The following RIT2 variants were observed in gnomAD, a reference collection of about 807,000 sequenced individuals.
RIT2 encodes the protein GTP-binding protein Rit2.
Under a neutral mutation model 23.7 loss-of-function variants are expected in RIT2, and 24 were observed. That is an observed-to-expected ratio of 1.01 (90% CI 0.73 to 1.43). RIT2 has a LOEUF of 1.43. Among genes scored for constraint, RIT2 ranks in the 40% most tolerant of loss-of-function variants. The probability of loss-of-function intolerance (pLI) is 0.00; values close to 1 mark genes in which losing one functional copy is unlikely to be tolerated. For missense variants in RIT2, 236 were observed against 266.9 expected (o/e 0.88, Z 0.81); for synonymous variants, 107 against 91.1 (o/e 1.17, Z -0.99).
intron 4 of RIT2, among the ~76,000 whole-genome samples, chr18:42,869,115 TC>T (rs1369385222): frequency 3.3e-5 from 5 of 152,236 alleles, no homozygotes; most frequent in Non-Finnish European, 5.9e-5. Context: ...AAATCAGCAG[TC>T]CCCAAACTTA....
chr18:42,821,523 A>G (rs1906148105), intron 4 of RIT2, among the ~76,000 whole-genome samples: 1 of 152,214 alleles, frequency 6.6e-6, no homozygotes, highest in Non-Finnish European at 1.5e-5. Context: ...GGAGACATCT[A>G]TGGTTGTCAA....
intron 2 of RIT2, among the ~76,000 whole-genome samples, chr18:43,017,869 G>C (rs1481041253): frequency 1.3e-5 from 2 of 152,034 alleles, no homozygotes; most frequent in Admixed American, 1.3e-4. Flanking sequence ...AGCTGGTAGG[G>C]CTGGCCATTA....
chr18:42,891,783 G>A (rs1042204019), intron 4 of RIT2, among the ~76,000 whole-genome samples: 2 of 152,200 alleles, frequency 1.3e-5, no homozygotes, highest in African/African-American at 4.8e-5. Context: ...AATTTAAGCA[G>A]TGAAACTATT....
chr18:42,959,297 A>T (rs1398365249), intron 3 of RIT2, among the ~76,000 whole-genome samples: 1 of 152,228 alleles, frequency 6.6e-6, no homozygotes, highest in East Asian at 1.9e-4. Context: ...TGCCAATATT[A>T]AAACAGTCAT....
chr18:42,872,833 C>G (rs1598693325), intron 4 of RIT2, among the ~76,000 whole-genome samples: 1 of 152,118 alleles, frequency 6.6e-6, no homozygotes, highest in African/African-American at 2.4e-5. Context: ...TTTTTTCATG[C>G]AGCACTTGTT....
At chr18:42,867,332 T>A (rs1907498682) in intron 4 of RIT2, among the ~76,000 whole-genome samples, 1 of 152,092 alleles carries the variant, frequency 6.6e-6, no homozygotes, top group South Asian at 2.1e-4. Flanking sequence ...TAAGCCTGGA[T>A]TTGCTCTAAA....
intron 2 of RIT2, among the ~76,000 whole-genome samples, chr18:42,980,741 C>A (rs1182693354): frequency 1.8e-4 from 28 of 152,040 alleles, no homozygotes; most frequent in Admixed American, 1.8e-3. Flanking sequence ...AGACACAGAA[C>A]CCTACCTGGA....
At chr18:42,937,795 C>G (rs1475067035) in intron 3 of RIT2, among the ~76,000 whole-genome samples, 1 of 152,144 alleles carries the variant, frequency 6.6e-6, no homozygotes, top group Non-Finnish European at 1.5e-5. Context: ...AACATAAAAA[C>G]TAACCCAATC....
intron 2 of RIT2, among the ~76,000 whole-genome samples, chr18:42,976,120 C>T (rs1910472787): frequency 6.6e-6 from 1 of 151,812 alleles, no homozygotes; most frequent in Non-Finnish European, 1.5e-5. Flanking sequence ...AGTTTTATTC[C>T]ATTGTGATTG....
Position 42,768,917 on chromosome 18 carries a change from T to C in RIT2, c.427-25197A>G, listed in dbSNP as rs185767931. The stretch of plus-strand genomic sequence containing the variant: ...AATACCCTTCTATTTCTCAACTCAA[T>C]AGTTTTTATGGAGTTGACCCTATTT... On this transcript the variant is annotated intron_variant, in intron 4 of 4. Transcript: ENST00000326695. Among the ~76,000 whole-genome samples the C allele has an allele frequency of 3.8e-4, 58 of 152,028 alleles. No homozygotes were observed. In the Middle Eastern group the frequency reaches 0.01, roughly 27 times the overall value.
chr18:43,049,972 C>CTTTTTTTTTT (rs755291383), intron 1 of RIT2, among the ~76,000 whole-genome samples: 1,218 of 65,930 alleles, frequency 0.018, 60 homozygotes, highest in East Asian at 0.054. Flanking sequence ...AAGGGATTTC[C>CTTTTTTTTTT]TTTTTTTTTT....
chr18:42,795,264 G>T lies in RIT2; in HGVS notation c.427-51544C>A, dbSNP rs566058366. On this transcript the variant is annotated intron_variant, in intron 4 of 4. Coordinates refer to ENST00000326695, the MANE Select transcript of RIT2 (RefSeq NM_002930.4). ...GGTGTGGAGGGAGAGGCGCGAGCAGGAACCGGGGCTGCGTGCAGTGCTTGC... is the reference window on the plus strand; with the variant it reads ...GGTGTGGAGGGAGAGGCGCGAGCAGTAACCGGGGCTGCGTGCAGTGCTTGC... Among the ~76,000 whole-genome samples the T allele has an allele frequency of 5.9e-5, 9 of 152,352 alleles. No homozygotes were observed. The South Asian group carries it at 1.7e-3, about 28-fold the overall frequency.
At chr18:42,905,796 G>C (rs565116504) in intron 4 of RIT2, among the ~76,000 whole-genome samples, 2 of 151,012 alleles carry the variant, frequency 1.3e-5, no homozygotes, top group African/African-American at 4.9e-5. Context: ...TTTGATATTG[G>C]CTATATCTGC....
At chr18:42,920,611 C>T in intron 4 of RIT2, 1 of 879,984 alleles carries the variant, frequency 1.1e-6, no homozygotes, top group Admixed American at 2.3e-5. Flanking sequence ...AACTCGTTGT[C>T]TTTTTGTTTT....
At chr18:42,867,694 T>G (rs1907511566) in intron 4 of RIT2, among the ~76,000 whole-genome samples, 1 of 151,780 alleles carries the variant, frequency 6.6e-6, no homozygotes, top group Non-Finnish European at 1.5e-5. Flanking sequence ...CTCAGGAGGC[T>G]GAGGTGGGAG....
At chr18:42,867,967 T>C (rs1052115853) in intron 4 of RIT2, among the ~76,000 whole-genome samples, 1 of 152,216 alleles carries the variant, frequency 6.6e-6, no homozygotes, top group African/African-American at 2.4e-5. Flanking sequence ...GCTATTCCAC[T>C]GTGTGGCCAG....
chr18:43,115,446 A>G lies in RIT2; in HGVS notation c.74T>C (p.Met25Thr). 6.2e-7 allele frequency: 1 copy of G among 1,612,344 alleles called. No homozygotes were observed. The highest frequency in any genetic ancestry group is 1.7e-4 in the Middle Eastern group (1 of 6,054). Reference protein sequence around the residue: ...SGGSREYKVVMLGAGGVGKSA... With the variant: ...SGGSREYKVVTLGAGGVGKSA... ...TTTACCAACTCCCCCTGCTCCCAGC[A>G]TTACCACCTTGTACTCTCTGGACCC... Residue 25 changes from methionine (M) to threonine (T), a missense_variant, in exon 1 of 5, where the codon ATG becomes ACG. Transcript: ENST00000326695.
At chr18:42,850,122 T>A (rs1165996576) in intron 4 of RIT2, among the ~76,000 whole-genome samples, 1 of 149,722 alleles carries the variant, frequency 6.7e-6, no homozygotes, top group Non-Finnish European at 1.5e-5. Flanking sequence ...TGAATATACA[T>A]AACGAGATTA....
chr18:42,981,899 T>G (rs1598737595), intron 2 of RIT2, among the ~76,000 whole-genome samples: 1 of 152,072 alleles, frequency 6.6e-6, no homozygotes, highest in East Asian at 1.9e-4. Flanking sequence ...AAAAGTGAAA[T>G]GTATAAACAC....
Sources: allele counts gnomAD v4.1 joint callset (sites outside exome capture counted in the v4.1 genomes callset), GRCh38; gene constraint gnomAD v4.1.1; transcripts MANE v1.5; gene names NCBI Gene and HGNC (gene_info 2026-07-23, HGNC 2026-07-21).